Variants in FSTL5 observed in about 807,000 individuals in gnomAD.
The protein encoded by FSTL5 is follistatin-related protein 5.
FSTL5 carries 62 observed loss-of-function variants against 89.1 expected under a neutral mutation model. The observed-to-expected ratio is 0.70, with a 90% confidence interval of 0.57 to 0.86. The LOEUF (loss-of-function observed/expected upper bound fraction) is 0.86, where lower values mean the gene tolerates loss of function less well. Among genes scored for constraint, FSTL5 ranks in the 40% least tolerant of loss-of-function variants. The pLI is 0.00. For synonymous variants in FSTL5, 383 were observed against 346.2 expected, an observed-to-expected ratio of 1.11 and a Z score of -1.18; for missense variants, 1,057 against 1,001.6, an observed-to-expected ratio of 1.06 and a Z score of -0.75.
intron 15 of FSTL5, among the ~76,000 whole-genome samples, chr4:161,440,777 C>T (rs534210661): frequency 2.6e-5 from 4 of 152,196 alleles, no homozygotes; most frequent in African/African-American, 4.8e-5. Flanking sequence ...TTTCAACCCT[C>T]GATGCTGTTT....
intron 4 of FSTL5, among the ~76,000 whole-genome samples, chr4:161,861,845 C>G (rs1354834326): frequency 6.6e-6 from 1 of 152,152 alleles, no homozygotes; most frequent in Non-Finnish European, 1.5e-5. Context: ...CACAGAAAAT[C>G]TGATCAATGC....
At chr4:162,094,163 C>T (rs1339159876) in intron 2 of FSTL5, among the ~76,000 whole-genome samples, 3 of 152,040 alleles carry the variant, frequency 2.0e-5, no homozygotes, top group Non-Finnish European at 4.4e-5. Flanking sequence ...CCGAGGGAGG[C>T]AGATCACAAA....
At chr4:162,152,880 A>C (rs918642737) in intron 1 of FSTL5, among the ~76,000 whole-genome samples, 6 of 151,224 alleles carry the variant, frequency 4.0e-5, no homozygotes, top group East Asian at 1.9e-4. Flanking sequence ...AAAAAAAAAA[A>C]CCGACAACAT....
intron 3 of FSTL5, among the ~76,000 whole-genome samples, chr4:161,974,548 T>G (rs1246469864): frequency 1.6e-5 from 2 of 127,490 alleles, no homozygotes; most frequent in Admixed American, 8.4e-5. Context: ...TGGCTAGCCA[T>G]ATGTAGAAAG....
At chr4:161,754,806 C>T (rs1396008801) in intron 6 of FSTL5, among the ~76,000 whole-genome samples, 1 of 151,964 alleles carries the variant, frequency 6.6e-6, no homozygotes, top group Non-Finnish European at 1.5e-5. Flanking sequence ...GATGGCAAAT[C>T]GCTTATATTT....
chr4:162,033,659 C>A lies in FSTL5; in HGVS notation c.127-1G>T. 3.4e-6 allele frequency: 5 copies of A among 1,491,202 alleles called. No individual in the cohort carries two copies. The highest frequency in any genetic ancestry group is 4.6e-6 in the Non-Finnish European group (5 of 1,087,722). The allele number at this position is 1,491,202 out of a possible 1,614,324, so 92.4% of individuals were successfully genotyped here. On this transcript the variant is annotated splice_acceptor_variant, in intron 2 of 15. Transcript: ENST00000306100. LOFTEE classifies it high-confidence loss of function. Reference sequence around the variant, plus strand: ...TTGAACTTTCTTGATTTTTTTCCTGCTGGAAATAAAACAGAAAATAGGTCA... The same window carrying A: ...TTGAACTTTCTTGATTTTTTTCCTGATGGAAATAAAACAGAAAATAGGTCA...
chr4:161,478,234 C>G (rs916355841), intron 13 of FSTL5, among the ~76,000 whole-genome samples: 1 of 152,010 alleles, frequency 6.6e-6, no homozygotes, highest in African/African-American at 2.4e-5. Context: ...TTCTGATACT[C>G]AAATATAGTA....
chr4:161,967,444 T>C (rs974053272), intron 3 of FSTL5, among the ~76,000 whole-genome samples: 6 of 151,374 alleles, frequency 4.0e-5, no homozygotes, highest in Non-Finnish European at 7.4e-5. Flanking sequence ...TAAAAAAGGA[T>C]GAAAATTAAA....
intron 2 of FSTL5, among the ~76,000 whole-genome samples, chr4:162,043,863 A>C (rs1188351378): frequency 1.3e-5 from 2 of 152,162 alleles, no homozygotes; most frequent in Non-Finnish European, 2.9e-5. Flanking sequence ...TTATCTATTC[A>C]AATTTTACTG....
At position 162,101,186 on chromosome 4, in the gene FSTL5, A is replaced by C. The variant is rs916841604; in HGVS notation, c.126+10085T>G. Among the ~76,000 whole-genome samples the C allele has an allele frequency of 3.9e-5, 6 of 152,194 alleles. No individual in the cohort carries two copies. The East Asian group carries it at 9.6e-4, about 24-fold the overall frequency. ...ATAGAGACTACCTCCTATAAAGCAA[A>C]CTTTGCATTGGCTCTCCCTGAAGAA... On this transcript the variant is annotated intron_variant, in intron 2 of 15. Coordinates refer to ENST00000306100, the MANE Select transcript of FSTL5 (RefSeq NM_020116.5).
chr4:161,953,844 A>C (rs1215746531), intron 3 of FSTL5, among the ~76,000 whole-genome samples: 1 of 151,632 alleles, frequency 6.6e-6, no homozygotes, highest in African/African-American at 2.4e-5. Flanking sequence ...TAAGTTAGAT[A>C]ACTTGGTAAA....
At chr4:162,162,223 A>T (rs1733723020) in intron 1 of FSTL5, among the ~76,000 whole-genome samples, 1 of 152,132 alleles carries the variant, frequency 6.6e-6, no homozygotes, top group East Asian at 1.9e-4. Flanking sequence ...TTCTAAAGCT[A>T]AACTTCATCC....
chr4:162,136,978 T>G (rs940841105), intron 1 of FSTL5, among the ~76,000 whole-genome samples: 2 of 152,044 alleles, frequency 1.3e-5, no homozygotes, highest in Non-Finnish European at 2.9e-5. Flanking sequence ...TGATGAAACT[T>G]TGAAACAGGC....
At chr4:161,519,536 A>G (rs1230486003) in intron 10 of FSTL5, among the ~76,000 whole-genome samples, 1 of 152,096 alleles carries the variant, frequency 6.6e-6, no homozygotes, top group Non-Finnish European at 1.5e-5. Flanking sequence ...AAAACAAAAC[A>G]AAACAAAACA....
intron 3 of FSTL5, among the ~76,000 whole-genome samples, chr4:161,991,970 G>A (rs1376417587): frequency 6.6e-6 from 1 of 152,156 alleles, no homozygotes; most frequent in Non-Finnish European, 1.5e-5. Flanking sequence ...CAGGCAGAAG[G>A]AGCCTCAAGT....
chr4:161,459,006 C>A (rs1166217381), intron 14 of FSTL5, among the ~76,000 whole-genome samples: 1 of 152,016 alleles, frequency 6.6e-6, no homozygotes, highest in Non-Finnish European at 1.5e-5. Flanking sequence ...ATAAATATAA[C>A]CTTTAATACA....
intron 7 of FSTL5, among the ~76,000 whole-genome samples, chr4:161,599,854 G>C (rs911420150): frequency 1.3e-5 from 2 of 151,628 alleles, no homozygotes; most frequent in Non-Finnish European, 2.9e-5. Flanking sequence ...CAAAATATAG[G>C]TGTCATTGTG....
intron 2 of FSTL5, among the ~76,000 whole-genome samples, chr4:162,064,280 G>T (rs1347339239): frequency 6.6e-6 from 1 of 151,960 alleles, no homozygotes; most frequent in African/African-American, 2.4e-5. Context: ...TGCATCTGTG[G>T]CTACTTACTA....
At chr4:162,041,231 T>G (rs949206286) in intron 2 of FSTL5, among the ~76,000 whole-genome samples, 7 of 148,404 alleles carry the variant, frequency 4.7e-5, no homozygotes, top group African/African-American at 9.9e-5. Flanking sequence ...AAAAAGGAGT[T>G]TATCTCCATA....
Sources: gnomAD v4.1 joint callset for allele counts (sites outside exome capture counted in the v4.1 genomes callset) on GRCh38, gnomAD v4.1.1 for gene constraint, MANE v1.5 for transcripts, NCBI Gene and HGNC (gene_info 2026-07-23, HGNC 2026-07-21) for gene names.